SLC13A4: variants seen among roughly 807,000 people sequenced by gnomAD.
SLC13A4 encodes solute carrier family 13 member 4, also known as Na(+)/sulfate cotransporter SUT-1.
A neutral mutation model predicts 72.7 loss-of-function variants in SLC13A4; 28 were observed. That is an observed-to-expected ratio of 0.39 (90% CI 0.29 to 0.53). The LOEUF is 0.53. Ranked by LOEUF, SLC13A4 falls within the 20% of genes least tolerant of loss-of-function variation. The pLI is 0.78. For synonymous variants in SLC13A4, 312 were observed against 325.5 expected (o/e 0.96, Z 0.45); for missense variants, 653 against 788.0 (o/e 0.83, Z 2.05).
chr7:135,716,434 A>G (rs62480970), intron 2 of SLC13A4, among the ~76,000 whole-genome samples: 7,398 of 152,200 alleles, frequency 0.049, 201 homozygotes, highest in Middle Eastern at 0.092. Flanking sequence ...CCTCCTGAGT[A>G]GCTGGGACTA....
intron 7 of SLC13A4, 132 bp downstream of exon 7, chr7:135,701,548 T>A (rs1198830159): frequency 1.2e-6 from 1 of 848,314 alleles, no homozygotes; most frequent in Non-Finnish European, 1.9e-6. Flanking sequence ...AGGCCAGACA[T>A]GTATGAGAGT....
chr7:135,715,208 TGC>T (rs1796393391), intron 2 of SLC13A4, among the ~76,000 whole-genome samples: 2 of 151,066 alleles, frequency 1.3e-5, no homozygotes, highest in Admixed American at 6.6e-5. Flanking sequence ...AGTGTATGTG[TGC>T]ATGAGTGTGT....
chr7:135,691,512 A>T, intron 12 of SLC13A4, 36 bp downstream of exon 12: 2 of 1,565,474 alleles, frequency 1.3e-6, no homozygotes, highest in Non-Finnish European at 1.8e-6. Flanking sequence ...GGTATTCTTC[A>T]ACTAGAGCTA....
At chr7:135,719,292 A>ACAGAGAC (rs1796493615) in intron 2 of SLC13A4, among the ~76,000 whole-genome samples, 1 of 152,202 alleles carries the variant, frequency 6.6e-6, no homozygotes. Context: ...CCTTGGAGAA[A>ACAGAGAC]CAGAGACACT....
intron 6 of SLC13A4, chr7:135,702,644 G>A: frequency 1.8e-6 from 1 of 554,426 alleles, no homozygotes. Flanking sequence ...CCAAAGTGCT[G>A]GGAGTACAGG....
chr7:135,701,965 G>A, intron 6 of SLC13A4: 1 of 506,122 alleles, frequency 2.0e-6, no homozygotes, highest in South Asian at 3.2e-5. Context: ...CACTTGAAGA[G>A]GCTTTGAAAC....
chr7:135,700,162 T>C (rs1795998106), intron 7 of SLC13A4, among the ~76,000 whole-genome samples: 1 of 152,236 alleles, frequency 6.6e-6, no homozygotes, highest in Non-Finnish European at 1.5e-5. Context: ...CTTCCCTTCC[T>C]CATTCTTTTC....
At chr7:135,720,470 ATTCAAATATGAGCT>A (rs1162777552) in intron 2 of SLC13A4, among the ~76,000 whole-genome samples, 1 of 151,622 alleles carries the variant, frequency 6.6e-6, no homozygotes, top group Admixed American at 6.6e-5. Context: ...CTTAGTAGGC[ATTCAAATATGAGCT>A]TCCTTTCCTC....
intron 2 of SLC13A4, among the ~76,000 whole-genome samples, chr7:135,712,567 T>C (rs1404139225): frequency 6.6e-6 from 1 of 152,008 alleles, no homozygotes; most frequent in African/African-American, 2.4e-5. Flanking sequence ...GCCTGCCACA[T>C]TGATGGCCAG....
chr7:135,692,537 A>G, intron 10 of SLC13A4, 113 bp from the exon 11 acceptor site: 1 of 687,040 alleles, frequency 1.5e-6, no homozygotes, highest in Non-Finnish European at 2.5e-6. Context: ...GACATAAAAC[A>G]CACTCACTGC....
intron 15 of SLC13A4, 119 bp from the exon 16 acceptor site, chr7:135,681,819 C>T (rs1795509097): frequency 1.5e-6 from 2 of 1,378,810 alleles, no homozygotes; most frequent in Non-Finnish European, 2.0e-6. Flanking sequence ...CCAGTTGCTG[C>T]CTGGGGTGCT....
chr7:135,725,486 T>A (rs1424042125), intron 1 of SLC13A4, among the ~76,000 whole-genome samples: 1 of 152,264 alleles, frequency 6.6e-6, no homozygotes, highest in East Asian at 1.9e-4. Context: ...ACCTCTAGTT[T>A]TAGAGAGTTG....
At chr7:135,718,179 C>T (rs1796474458) in intron 2 of SLC13A4, among the ~76,000 whole-genome samples, 1 of 151,822 alleles carries the variant, frequency 6.6e-6, no homozygotes, top group African/African-American at 2.4e-5. Flanking sequence ...ACAGTGAGAG[C>T]TCAGATACGA....
intron 2 of SLC13A4, among the ~76,000 whole-genome samples, chr7:135,713,964 A>G (rs1461499603): frequency 2.0e-5 from 3 of 152,200 alleles, no homozygotes; most frequent in African/African-American, 7.2e-5. Flanking sequence ...AAGCCCTGCC[A>G]GGGCTGAAGC....
intron 2 of SLC13A4, among the ~76,000 whole-genome samples, chr7:135,717,937 C>A (rs1475685019): frequency 2.0e-5 from 3 of 152,160 alleles, no homozygotes; most frequent in African/African-American, 4.8e-5. Context: ...GGGATCTACA[C>A]CATTGGCTTC....
intron 2 of SLC13A4, among the ~76,000 whole-genome samples, chr7:135,718,985 G>A (rs966412006): frequency 6.6e-6 from 1 of 152,138 alleles, no homozygotes; most frequent in Non-Finnish European, 1.5e-5. Flanking sequence ...ACTATATTTG[G>A]ACTAAGCTGC....
At chr7:135,715,636 C>T (rs1796418184) in intron 2 of SLC13A4, among the ~76,000 whole-genome samples, 1 of 152,134 alleles carries the variant, frequency 6.6e-6, no homozygotes, top group Non-Finnish European at 1.5e-5. Flanking sequence ...GTTCCCAATC[C>T]CCAATATCCA....
chr7:135,705,866 G>GTGTACCCT, intron 4 of SLC13A4: 1 of 585,250 alleles, frequency 1.7e-6, no homozygotes, highest in Non-Finnish European at 3.0e-6. Context: ...AAAGAGCAGT[G>GTGTACCCT]TGTACCCTTG....
chr7:135,715,095 ATG>A (rs542488322), intron 2 of SLC13A4, among the ~76,000 whole-genome samples: 693 of 150,686 alleles, frequency 4.6e-3, no homozygotes, highest in Non-Finnish European at 7.8e-3. Context: ...GTATAAGTGT[ATG>A]TGTGTGAGCG....
Sources: gnomAD v4.1 joint callset for allele counts (sites outside exome capture counted in the v4.1 genomes callset) on GRCh38, gnomAD v4.1.1 for gene constraint, MANE v1.5 for transcripts, NCBI Gene and HGNC (gene_info 2026-07-23, HGNC 2026-07-21) for gene names.